PLEKHM3: variants seen among roughly 807,000 people sequenced by gnomAD.
The protein encoded by PLEKHM3 is pleckstrin homology domain-containing family M member 3.
In PLEKHM3, 45 loss-of-function variants were observed where a neutral mutation model predicts 81.8. The ratio of observed to expected loss-of-function variants is 0.55; its 90% CI spans 0.43 to 0.71. The LOEUF (loss-of-function observed/expected upper bound fraction) is 0.71, where lower values mean the gene tolerates loss of function less well. Among genes scored for constraint, PLEKHM3 ranks in the 30% least tolerant of loss-of-function variants. PLEKHM3 has a pLI of 0.00. For synonymous variants in PLEKHM3, 352 were observed against 356.4 expected, an observed-to-expected ratio of 0.99 and a Z score of 0.14; for missense variants, 788 against 924.3, an observed-to-expected ratio of 0.85 and a Z score of 1.91.
chr2:207,903,156 C>T (rs1207053103), intron 6 of PLEKHM3, among the ~76,000 whole-genome samples: 1 of 152,066 alleles, frequency 6.6e-6, no homozygotes, highest in African/African-American at 2.4e-5. Flanking sequence ...CAATACCATG[C>T]CATGTTTTCA....
chr2:207,951,385 T>C (rs1690323034), intron 3 of PLEKHM3, among the ~76,000 whole-genome samples: 1 of 152,262 alleles, frequency 6.6e-6, no homozygotes, highest in Non-Finnish European at 1.5e-5. Flanking sequence ...GCAATGTTTC[T>C]AAATTAAAGG....
chr2:208,016,065 G>A (rs558671648), intron 1 of PLEKHM3, among the ~76,000 whole-genome samples: 3 of 152,116 alleles, frequency 2.0e-5, no homozygotes, highest in African/African-American at 7.2e-5. Flanking sequence ...GTGGTGGTGG[G>A]TGCCTGTAAT....
intron 6 of PLEKHM3, among the ~76,000 whole-genome samples, chr2:207,880,094 A>T (rs926260083): frequency 6.6e-6 from 1 of 152,214 alleles, no homozygotes; most frequent in Non-Finnish European, 1.5e-5. Flanking sequence ...GCCTGCTCCC[A>T]AATGGACAAA....
chr2:207,985,345 C>A (rs1260031505), intron 2 of PLEKHM3, among the ~76,000 whole-genome samples: 1 of 151,916 alleles, frequency 6.6e-6, no homozygotes. Context: ...CTCCTCTGAA[C>A]CCTCATGGCT....
At chr2:207,908,722 T>C (rs1574395361) in intron 5 of PLEKHM3, 145 bp from the exon 6 acceptor site, 1 of 635,492 alleles carries the variant, frequency 1.6e-6, no homozygotes, top group Admixed American at 3.7e-5. Context: ...CTGAGGAACC[T>C]GTAATATCTT....
chr2:207,986,802 C>T (rs541926108), intron 2 of PLEKHM3, among the ~76,000 whole-genome samples: 1 of 150,706 alleles, frequency 6.6e-6, no homozygotes, highest in South Asian at 2.1e-4. Flanking sequence ...TCCTGAGTAG[C>T]TGGGACTACA....
chr2:207,913,911 A>G (rs1460035453), intron 5 of PLEKHM3, among the ~76,000 whole-genome samples: 2 of 145,734 alleles, frequency 1.4e-5, no homozygotes, highest in Non-Finnish European at 3.0e-5. Context: ...ACATTTGCAC[A>G]TGTGTATGTG....
At chr2:207,944,680 C>T (rs547745761) in intron 4 of PLEKHM3, among the ~76,000 whole-genome samples, 85 of 152,292 alleles carry the variant, frequency 5.6e-4, no homozygotes, top group African/African-American at 1.7e-3. Context: ...AAGCTTCCAA[C>T]ATCACATCGA....
chr2:207,828,206 T>A lies in PLEKHM3; in HGVS notation c.*113A>T. 1.1e-6 allele frequency: 1 copy of A among 912,236 alleles called. No homozygotes were observed. The highest frequency in any genetic ancestry group is 1.6e-6 in the Non-Finnish European group (1 of 606,298). 56.5% of individuals were successfully genotyped at this position (912,236 alleles called of 1,614,324 possible). A position where few individuals can be genotyped will look rare whatever the true frequency, so the allele number is the denominator to read the frequency against. On this transcript the variant is annotated 3_prime_UTR_variant, in exon 8 of 8. Coordinates refer to ENST00000427836, the MANE Select transcript of PLEKHM3 (RefSeq NM_001080475.3). Reference sequence around the variant, plus strand: ...AATAAATATATATATCTATATCTAGTTGAAGAGGATACATACTCTTCTTCC... The same window carrying A: ...AATAAATATATATATCTATATCTAGATGAAGAGGATACATACTCTTCTTCC...
At chr2:207,864,662 T>G (rs891532082) in intron 6 of PLEKHM3, among the ~76,000 whole-genome samples, 26 of 152,206 alleles carry the variant, frequency 1.7e-4, no homozygotes, top group Non-Finnish European at 3.4e-4. Context: ...TGCATAAAGT[T>G]TTTTCTCTAT....
intron 3 of PLEKHM3, among the ~76,000 whole-genome samples, chr2:207,956,911 G>C (rs1190799500): frequency 2.0e-5 from 3 of 151,942 alleles, no homozygotes; most frequent in Non-Finnish European, 2.9e-5. Flanking sequence ...AGAAAAGCTG[G>C]AAGGGGAGGG....
chr2:207,945,400 T>G (rs765244270), intron 4 of PLEKHM3, among the ~76,000 whole-genome samples: 1 of 152,240 alleles, frequency 6.6e-6, no homozygotes, highest in Non-Finnish European at 1.5e-5. Context: ...TGCAAAGCTA[T>G]TAGCATATAC....
intron 3 of PLEKHM3, among the ~76,000 whole-genome samples, chr2:207,946,801 C>T (rs1690146992): frequency 6.6e-6 from 1 of 152,220 alleles, no homozygotes; most frequent in Non-Finnish European, 1.5e-5. Flanking sequence ...AGATCAGTCT[C>T]TCTACAACCT....
intron 4 of PLEKHM3, among the ~76,000 whole-genome samples, chr2:207,940,078 C>G (rs562975513): frequency 2.6e-5 from 4 of 152,248 alleles, no homozygotes; most frequent in South Asian, 2.1e-4. Context: ...TCCCAGGGGA[C>G]AGGCTTCATT....
chr2:207,957,760 CATTA>C (rs1378932577), intron 3 of PLEKHM3, among the ~76,000 whole-genome samples: 3 of 151,984 alleles, frequency 2.0e-5, no homozygotes, highest in African/African-American at 7.2e-5. Flanking sequence ...CAGCAGAAGA[CATTA>C]ATTAATTTAT....
At chr2:207,878,383 C>T (rs1317099869) in intron 6 of PLEKHM3, among the ~76,000 whole-genome samples, 3 of 151,882 alleles carry the variant, frequency 2.0e-5, no homozygotes, top group Admixed American at 2.0e-4. Flanking sequence ...CAGAGGCGGG[C>T]GAATCACCTG....
At chr2:208,009,915 T>C (rs1296658400) in intron 1 of PLEKHM3, among the ~76,000 whole-genome samples, 1 of 152,310 alleles carries the variant, frequency 6.6e-6, no homozygotes, top group African/African-American at 2.4e-5. Flanking sequence ...AGCTTTTACA[T>C]TTTTTTCTTG....
chr2:207,858,136 ATGTGTGTGTGTG>A (rs141449083), intron 7 of PLEKHM3, among the ~76,000 whole-genome samples: 36 of 126,962 alleles, frequency 2.8e-4, no homozygotes, highest in Admixed American at 4.1e-4. Flanking sequence ...TCATATAGAT[ATGTGTGTGTGTG>A]TGTGTGTGTG....
chr2:208,017,184 G>C (rs545024248), intron 1 of PLEKHM3, among the ~76,000 whole-genome samples: 18 of 152,250 alleles, frequency 1.2e-4, no homozygotes, highest in Admixed American at 9.2e-4. Context: ...AGATGTAGAG[G>C]GCCAACTGTA....
Sources: gnomAD v4.1 joint callset for allele counts (sites outside exome capture counted in the v4.1 genomes callset) on GRCh38, gnomAD v4.1.1 for gene constraint, MANE v1.5 for transcripts, NCBI Gene and HGNC (gene_info 2026-07-23, HGNC 2026-07-21) for gene names.